The following CLYBL variants were observed in gnomAD, a reference collection of about 807,000 sequenced individuals.
CLYBL encodes citramalyl-CoA lyase.
CLYBL carries 31 observed loss-of-function variants against 38.9 expected under a neutral mutation model. That is an observed-to-expected ratio of 0.80 (90% CI 0.60 to 1.08). The LOEUF (loss-of-function observed/expected upper bound fraction) is 1.08. CLYBL is among the 50% of genes least tolerant of loss of function. The pLI, the probability that CLYBL is intolerant of heterozygous loss-of-function variation, is 0.00. For synonymous variants in CLYBL, 171 were observed against 158.6 expected, an observed-to-expected ratio of 1.08 and a Z score of -0.59; for missense variants, 434 against 411.6, an observed-to-expected ratio of 1.05 and a Z score of -0.47.
chr13:99,851,426 A>G (rs905774201), intron 2 of CLYBL, among the ~76,000 whole-genome samples: 2 of 151,648 alleles, frequency 1.3e-5, no homozygotes, highest in African/African-American at 2.4e-5. Flanking sequence ...ACAATGTTGC[A>G]TAAGTAATTG....
At chr13:99,789,620 A>G (rs930590476) in intron 2 of CLYBL, among the ~76,000 whole-genome samples, 4 of 152,176 alleles carry the variant, frequency 2.6e-5, no homozygotes, top group African/African-American at 4.8e-5. Flanking sequence ...ACTTCCAACT[A>G]TGTGGTCAAT....
At chr13:99,631,890 C>T (rs530337798) in intron 1 of CLYBL, among the ~76,000 whole-genome samples, 80 of 152,248 alleles carry the variant, frequency 5.3e-4, no homozygotes, top group African/African-American at 1.7e-3. Flanking sequence ...CGTGAGCCAC[C>T]GCACCTGGCC....
intron 1 of CLYBL, among the ~76,000 whole-genome samples, chr13:99,696,480 G>C (rs1286586168): frequency 6.6e-6 from 1 of 151,786 alleles, no homozygotes; most frequent in Non-Finnish European, 1.5e-5. Context: ...TCCTTCCAAA[G>C]TGCAGGGTTA....
intron 2 of CLYBL, among the ~76,000 whole-genome samples, chr13:99,855,127 AATTCCATT>A (rs2051429071): frequency 7.3e-6 from 1 of 137,836 alleles, no homozygotes; most frequent in South Asian, 2.3e-4. Context: ...TAAAGGCCTT[AATTCCATT>A]ATTCAGTCAT....
intron 1 of CLYBL, among the ~76,000 whole-genome samples, chr13:99,671,864 G>T (rs746785261): frequency 6.6e-6 from 1 of 152,162 alleles, no homozygotes; most frequent in East Asian, 1.9e-4. Flanking sequence ...GAGAAGGGAT[G>T]TGTGAGAGAC....
chr13:99,695,612 C>T (rs976382442), intron 1 of CLYBL, among the ~76,000 whole-genome samples: 6 of 151,974 alleles, frequency 3.9e-5, no homozygotes, highest in Admixed American at 6.6e-5. Context: ...CTCCGCCTCC[C>T]GAGTTCAAGA....
At chr13:99,810,722 G>A (rs978280739) in intron 2 of CLYBL, among the ~76,000 whole-genome samples, 2 of 152,124 alleles carry the variant, frequency 1.3e-5, no homozygotes, top group Non-Finnish European at 2.9e-5. Context: ...GATTTGAGCT[G>A]GGCAGGTGTG....
chr13:99,785,867 A>G (rs925765416), intron 2 of CLYBL, among the ~76,000 whole-genome samples: 3 of 152,064 alleles, frequency 2.0e-5, no homozygotes, highest in Non-Finnish European at 4.4e-5. Flanking sequence ...AAGTGCTGGG[A>G]TTACAGGCGT....
chr13:99,779,902 A>T (rs2049604017), intron 2 of CLYBL, among the ~76,000 whole-genome samples: 1 of 152,214 alleles, frequency 6.6e-6, no homozygotes, highest in African/African-American at 2.4e-5. Context: ...CTTCATGACC[A>T]ACTACATTAG....
At chr13:99,777,028 T>C (rs2761175) in intron 2 of CLYBL, among the ~76,000 whole-genome samples, 120,637 of 151,844 alleles carry the variant, frequency 0.79, 48,088 homozygotes, top group Middle Eastern at 0.84. Flanking sequence ...TACAGGTGTG[T>C]ACCACCGTGG....
chr13:99,866,873 C>T (rs531846338), intron 6 of CLYBL, among the ~76,000 whole-genome samples: 195 of 152,118 alleles, frequency 1.3e-3, no homozygotes, highest in African/African-American at 4.4e-3. Context: ...GTTTTTTGCT[C>T]TTCTGCCACT....
intron 2 of CLYBL, among the ~76,000 whole-genome samples, chr13:99,792,245 A>T (rs2049933003): frequency 6.6e-6 from 1 of 152,218 alleles, no homozygotes; most frequent in Non-Finnish European, 1.5e-5. Flanking sequence ...AGTTCAGAGC[A>T]AGTGGGAGCT....
chr13:99,864,369 G>C (rs1353490233), intron 4 of CLYBL, among the ~76,000 whole-genome samples: 1 of 152,186 alleles, frequency 6.6e-6, no homozygotes, highest in Admixed American at 6.5e-5. Flanking sequence ...CTCCGGAGTT[G>C]CAGGTTTTTG....
intron 2 of CLYBL, among the ~76,000 whole-genome samples, chr13:99,776,212 T>C (rs2049512578): frequency 6.8e-6 from 1 of 146,764 alleles, no homozygotes; most frequent in Non-Finnish European, 1.5e-5. Flanking sequence ...ATAATAATCT[T>C]GGCCGGGTGC....
intron 2 of CLYBL, among the ~76,000 whole-genome samples, chr13:99,828,449 A>C (rs757928418): frequency 2.0e-5 from 3 of 152,236 alleles, no homozygotes; most frequent in Non-Finnish European, 4.4e-5. Context: ...ATCAAATTGC[A>C]TGCATGGGAA....
chr13:99,614,975 A>C (rs1594083716), intron 1 of CLYBL, among the ~76,000 whole-genome samples: 1 of 152,286 alleles, frequency 6.6e-6, no homozygotes, highest in South Asian at 2.1e-4. Context: ...AGAATGTTTG[A>C]GTGGCACGAG....
intron 2 of CLYBL, among the ~76,000 whole-genome samples, chr13:99,823,754 T>C (rs2050631245): frequency 6.6e-6 from 1 of 152,228 alleles, no homozygotes; most frequent in African/African-American, 2.4e-5. Context: ...ACTAATTCAA[T>C]ACTGGACTCT....
chr13:99,813,905 G>T (rs1279780333), intron 2 of CLYBL, among the ~76,000 whole-genome samples: 2 of 152,106 alleles, frequency 1.3e-5, no homozygotes, highest in Non-Finnish European at 2.9e-5. Flanking sequence ...CCATCCCCGT[G>T]GACCAAAGTC....
rs149966216 is a variant in CLYBL, at chr13:99,748,685, C to T, written c.63-24139C>T. Among the ~76,000 whole-genome samples the T allele has an allele frequency of 2.0e-4, 31 of 151,694 alleles. No individual in the cohort carries two copies. The East Asian group carries it at 5.2e-3, about 25-fold the overall frequency. On this transcript the variant is annotated intron_variant, in intron 1 of 8. Coordinates refer to ENST00000339105, the MANE Select transcript of CLYBL (RefSeq NM_206808.5). ...CGAACTCCTGACCTCATGATTCACC[C>T]GGCTTGGCCTCTCAAAGTGCTGGAA...
Sources: allele counts gnomAD v4.1 joint callset (sites outside exome capture counted in the v4.1 genomes callset), GRCh38; gene constraint gnomAD v4.1.1; transcripts MANE v1.5; gene names NCBI Gene and HGNC (gene_info 2026-07-23, HGNC 2026-07-21).